Variants in AFG2B observed in about 807,000 individuals in gnomAD.
AFG2B encodes ATPase family gene 2 protein homolog B.
At chr15:45,415,888 T>C in the AFG2B span, 9 of 995,772 alleles carry the variant, frequency 9.0e-6, no homozygotes. Flanking sequence ...TTACCTATGC[T>C]GAATTCATCT....
chr15:45,421,325 A>C, the AFG2B span: 1 of 677,076 alleles, frequency 1.5e-6, no homozygotes, highest in Non-Finnish European at 2.2e-6. Context: ...GAATAAATAA[A>C]ACAAAACAAA....
the AFG2B span, among the ~76,000 whole-genome samples, chr15:45,416,689 C>T: frequency 3.9e-5 from 6 of 152,184 alleles, no homozygotes; most frequent in East Asian, 1.9e-4. Context: ...TGAGGGATTA[C>T]GTCACTGGAG....
chr15:45,411,619 C>CA, the AFG2B span, among the ~76,000 whole-genome samples: 3 of 152,180 alleles, frequency 2.0e-5, no homozygotes, highest in Admixed American at 6.5e-5. Flanking sequence ...GCCTGGCCTA[C>CA]AAAAAATTTT....
chr15:45,420,820 T>C, the AFG2B span, among the ~76,000 whole-genome samples: 1 of 152,070 alleles, frequency 6.6e-6, no homozygotes, highest in Non-Finnish European at 1.5e-5. Flanking sequence ...GGTGAAACCC[T>C]GTCTCTACTA....
chr15:45,403,333 CTG>C, the AFG2B span: 1 of 1,605,242 alleles, frequency 6.2e-7, no homozygotes, highest in Non-Finnish European at 8.5e-7. Flanking sequence ...CCTCCTCTTC[CTG>C]GACGAGATGG....
chr15:45,410,607 C>T, the AFG2B span: 133 of 1,370,582 alleles, frequency 9.7e-5, no homozygotes, highest in Middle Eastern at 1.9e-4. Flanking sequence ...CAACATACTG[C>T]GCTGAAACTG....
the AFG2B span, chr15:45,403,099 C>G: frequency 2.0e-6 from 3 of 1,521,406 alleles, no homozygotes; most frequent in Non-Finnish European, 2.6e-6. Context: ...CCGCTACCCG[C>G]GCGCCCTGAC....
chr15:45,403,915 G>A, the AFG2B span, among the ~76,000 whole-genome samples: 3 of 152,180 alleles, frequency 2.0e-5, no homozygotes, highest in Non-Finnish European at 4.4e-5. Flanking sequence ...AAGAAGGATA[G>A]CCTCAAGAAG....
At chr15:45,409,374 CAAAAA>C in the AFG2B span, among the ~76,000 whole-genome samples, 1 of 83,612 alleles carries the variant, frequency 1.2e-5, no homozygotes, top group African/African-American at 3.4e-5. Flanking sequence ...GAGACCCCGC[CAAAAA>C]AAAAAAAAAA....
chr15:45,408,839 T>C, the AFG2B span, among the ~76,000 whole-genome samples: 1 of 152,114 alleles, frequency 6.6e-6, no homozygotes, highest in African/African-American at 2.4e-5. Flanking sequence ...AGCTGTTGCC[T>C]CAATGCCACT....
At chr15:45,414,782 T>C in the AFG2B span, 1 of 1,612,624 alleles carries the variant, frequency 6.2e-7, no homozygotes, top group East Asian at 2.2e-5. Flanking sequence ...TTGTCTCAGG[T>C]TTGTTTATTT....
At chr15:45,417,515 C>T in the AFG2B span, 2 of 994,430 alleles carry the variant, frequency 2.0e-6, no homozygotes. Flanking sequence ...TGCCTGGTGG[C>T]CTTTCATGAC....
At chr15:45,407,034 G>A in the AFG2B span, 2 of 1,289,198 alleles carry the variant, frequency 1.6e-6, no homozygotes, top group South Asian at 2.5e-5. Flanking sequence ...TGAAGTTCCA[G>A]GTTTGACCAT....
At chr15:45,402,804 C>G in the AFG2B span, 2 of 1,595,170 alleles carry the variant, frequency 1.3e-6, no homozygotes, top group African/African-American at 2.7e-5. Context: ...CGCCCGGTGC[C>G]CGGAATACAG....
chr15:45,415,847 A>G, the AFG2B span: 3 of 1,443,872 alleles, frequency 2.1e-6, no homozygotes, highest in Admixed American at 5.7e-5. Context: ...ATCCAGGCCA[A>G]CATTAAATAT....
chr15:45,415,530 A>G, the AFG2B span: 37 of 1,409,624 alleles, frequency 2.6e-5, no homozygotes, highest in African/African-American at 4.8e-4. Context: ...ATAAATAGTA[A>G]TATCACATGA....
the AFG2B span, among the ~76,000 whole-genome samples, chr15:45,418,844 G>C: frequency 3.9e-5 from 6 of 152,162 alleles, no homozygotes. Context: ...AGTGTGGGGT[G>C]GTGAGGAGGG....
At chr15:45,403,210 G>T in the AFG2B span, 1 of 1,493,342 alleles carries the variant, frequency 6.7e-7, no homozygotes. Context: ...GGCGGGCGCG[G>T]AGCTGCTGGC....
chr15:45,407,031 C>G, the AFG2B span: 2 of 1,289,134 alleles, frequency 1.6e-6, no homozygotes, highest in Non-Finnish European at 2.0e-6. Context: ...CTTTGAAGTT[C>G]CAGGTTTGAC....
Sources: allele counts gnomAD v4.1 joint callset (sites outside exome capture counted in the v4.1 genomes callset), GRCh38; gene constraint gnomAD v4.1.1; transcripts MANE v1.5; gene names NCBI Gene and HGNC (gene_info 2026-07-23, HGNC 2026-07-21).